AGBL4: variants seen among roughly 807,000 people sequenced by gnomAD.
AGBL4 encodes the protein cytosolic carboxypeptidase 6.
Under a neutral mutation model 66.4 loss-of-function variants are expected in AGBL4, and 58 were observed. The observed-to-expected ratio is 0.87, with a 90% CI of 0.71 to 1.09. AGBL4 has a LOEUF of 1.09. Ranked by LOEUF, AGBL4 falls within the 50% of genes least tolerant of loss-of-function variation. AGBL4 has a pLI of 0.00. For missense variants in AGBL4, 579 were observed against 631.0 expected, an observed-to-expected ratio of 0.92 and a Z score of 0.88; for synonymous variants, 234 against 222.9, an observed-to-expected ratio of 1.05 and a Z score of -0.44.
At chr1:49,854,586 A>G (rs1384217322) in intron 1 of AGBL4, among the ~76,000 whole-genome samples, 1 of 151,948 alleles carries the variant, frequency 6.6e-6, no homozygotes, top group Non-Finnish European at 1.5e-5. Flanking sequence ...CTAATCCCCC[A>G]TCAGACTACC....
chr1:49,874,976 T>A (rs1214359262), intron 1 of AGBL4, among the ~76,000 whole-genome samples: 1 of 63,952 alleles, frequency 1.6e-5, no homozygotes, highest in Non-Finnish European at 2.9e-5. Flanking sequence ...CCCTCCCCCC[T>A]CCCCCCACCC....
intron 6 of AGBL4, among the ~76,000 whole-genome samples, chr1:48,846,410 A>AAAGG (rs1416258764): frequency 1.4e-5 from 2 of 147,594 alleles, no homozygotes; most frequent in African/African-American, 5.3e-5. Context: ...AGAAAGAAAG[A>AAAGG]AAGAAAGAAA....
At chr1:49,880,908 G>T (rs968916295) in intron 1 of AGBL4, among the ~76,000 whole-genome samples, 13 of 152,094 alleles carry the variant, frequency 8.5e-5, no homozygotes, top group South Asian at 4.1e-4. Flanking sequence ...ATTCGGGTGG[G>T]AGTGACCCGA....
intron 1 of AGBL4, among the ~76,000 whole-genome samples, chr1:49,946,566 A>C (rs2148303822): frequency 6.6e-6 from 1 of 152,108 alleles, no homozygotes; most frequent in South Asian, 2.1e-4. Flanking sequence ...GGCAGTGCTA[A>C]TAGGAAATAT....
intron 6 of AGBL4, among the ~76,000 whole-genome samples, chr1:48,792,340 TCAA>T (rs1043518904): frequency 6.6e-6 from 1 of 152,146 alleles, no homozygotes. Context: ...TGGACTTGTA[TCAA>T]CAACAGTGAG....
At chr1:49,037,404 C>T (rs1398274910) in intron 5 of AGBL4, among the ~76,000 whole-genome samples, 1 of 152,044 alleles carries the variant, frequency 6.6e-6, no homozygotes, top group African/African-American at 2.4e-5. Flanking sequence ...GGTTAAGGGT[C>T]ACAATGATCA....
rs146485768 is a variant in AGBL4 at position 49,967,578 on chromosome 1, G to A, written c.34+56185C>T. On this transcript the variant is annotated intron_variant, in intron 1 of 13. Transcript: ENST00000371839. ...ACCTAATGTAGGTGACAGGTTGATG[G>A]GTGCAGCAAACCACCATGCCACGTG... Among the ~76,000 whole-genome samples the A allele has an allele frequency of 1.8e-3, 280 of 151,918 alleles. 4 individuals are homozygous for A. The highest frequency in any genetic ancestry group is 6.5e-3 in the African/African-American group (271 of 41,406).
intron 6 of AGBL4, among the ~76,000 whole-genome samples, chr1:48,846,420 A>AGAAG (rs1646919327): frequency 6.6e-6 from 1 of 150,710 alleles, no homozygotes; most frequent in Admixed American, 6.6e-5. Context: ...AAAGAAAGAA[A>AGAAG]GAAATTCATT....
At chr1:48,957,303 T>C (rs146149008) in intron 5 of AGBL4, among the ~76,000 whole-genome samples, 3 of 152,344 alleles carry the variant, frequency 2.0e-5, no homozygotes, top group African/African-American at 4.8e-5. Flanking sequence ...GCTGTGTTGA[T>C]ATTTACAGCT....
At chr1:49,199,150 A>G (rs1311576397) in intron 4 of AGBL4, among the ~76,000 whole-genome samples, 1 of 152,212 alleles carries the variant, frequency 6.6e-6, no homozygotes, top group Non-Finnish European at 1.5e-5. Context: ...AGCTACTAAA[A>G]GTACCATTAT....
chr1:49,096,133 A>T (rs1316403106), intron 4 of AGBL4, among the ~76,000 whole-genome samples: 4 of 152,036 alleles, frequency 2.6e-5, no homozygotes, highest in Admixed American at 6.5e-5. Context: ...TCAAAACCAC[A>T]ATGAGATACC....
intron 3 of AGBL4, among the ~76,000 whole-genome samples, chr1:49,696,234 G>A (rs1646981423): frequency 6.6e-6 from 1 of 152,084 alleles, no homozygotes. Context: ...CAATATAACG[G>A]AATAGTAACT....
At chr1:49,237,188 G>T (rs1368840854) in intron 4 of AGBL4, among the ~76,000 whole-genome samples, 1 of 151,764 alleles carries the variant, frequency 6.6e-6, no homozygotes, top group African/African-American at 2.4e-5. Context: ...GAGTGAACCT[G>T]GGAGGTGGAG....
At chr1:50,001,652 G>T (rs1341483139) in intron 1 of AGBL4, among the ~76,000 whole-genome samples, 1 of 152,028 alleles carries the variant, frequency 6.6e-6, no homozygotes, top group African/African-American at 2.4e-5. Context: ...GGGAATGACG[G>T]GGACTGTCAT....
chr1:49,983,522 G>A (rs1434593411), intron 1 of AGBL4, among the ~76,000 whole-genome samples: 1 of 152,206 alleles, frequency 6.6e-6, no homozygotes, highest in East Asian at 1.9e-4. Context: ...CAAGTCACAG[G>A]CAGCCTGCCA....
intron 6 of AGBL4, among the ~76,000 whole-genome samples, chr1:48,851,918 A>T (rs1647041208): frequency 6.6e-6 from 1 of 152,002 alleles, no homozygotes; most frequent in Non-Finnish European, 1.5e-5. Flanking sequence ...GAAAAATAAA[A>T]AACAAAAAAA....
intron 2 of AGBL4, chr1:49,845,318 A>G: frequency 6.5e-7 from 1 of 1,530,216 alleles, no homozygotes; most frequent in Non-Finnish European, 9.0e-7. Flanking sequence ...CACACAGGCG[A>G]GAAACCCTAT....
At chr1:49,994,006 G>C (rs1261146080) in intron 1 of AGBL4, among the ~76,000 whole-genome samples, 1 of 152,106 alleles carries the variant, frequency 6.6e-6, no homozygotes, top group Non-Finnish European at 1.5e-5. Context: ...CCCTAAATTA[G>C]CTTTTCCTCC....
chr1:48,881,373 T>C (rs2148842988), intron 5 of AGBL4, among the ~76,000 whole-genome samples: 1 of 152,338 alleles, frequency 6.6e-6, no homozygotes, highest in East Asian at 1.9e-4. Context: ...TAATTCATTA[T>C]AGCTCACATA....
Sources: gnomAD v4.1 joint callset for allele counts (sites outside exome capture counted in the v4.1 genomes callset) on GRCh38, gnomAD v4.1.1 for gene constraint, MANE v1.5 for transcripts, NCBI Gene and HGNC (gene_info 2026-07-23, HGNC 2026-07-21) for gene names.